Variants in NRXN1 observed in about 807,000 individuals in gnomAD.
The protein encoded by NRXN1 is neurexin-1.
In NRXN1, 39 loss-of-function variants were observed where a neutral mutation model predicts 150.9. The ratio of observed to expected loss-of-function variants is 0.26; its 90% CI spans 0.20 to 0.34. NRXN1 has a LOEUF of 0.34. Among genes scored for constraint, NRXN1 ranks in the 10% least tolerant of loss-of-function variants. NRXN1 has a pLI of 1.00. For synonymous variants in NRXN1, 924 were observed against 757.0 expected (o/e 1.22, Z -3.62); for missense variants, 1,815 against 1,949.9 (o/e 0.93, Z 1.30).
At chr2:50,503,940 C>T (rs528892832) in intron 13 of NRXN1, among the ~76,000 whole-genome samples, 1 of 152,140 alleles carries the variant, frequency 6.6e-6, no homozygotes, top group East Asian at 1.9e-4. Context: ...GAGGCCATAA[C>T]ATCAACAACG....
Position 51,028,172 on chromosome 2 carries a change from C to A in NRXN1, c.102G>T (p.Pro34=). Residue 34 remains proline (P), a synonymous_variant, in exon 2 of 23, where the codon CCG becomes CCT. Coordinates refer to ENST00000401669, the MANE Select transcript of NRXN1 (RefSeq NM_001330078.2). ...WAELGSGLEF[P]GAEGQWTRFP... ...AGCGCGTCCATTGGCCCTCGGCGCC[C>A]GGAAACTCCAGCCCGCTGCCCAGCT... The A allele has an allele frequency of 6.6e-7, 1 of 1,515,822 alleles. No individual in the cohort carries two copies. Among genetic ancestry groups the A allele is most frequent in the East Asian group, 2.4e-5 (1 of 42,138 alleles). 93.9% of individuals were successfully genotyped at this position (1,515,822 alleles called of 1,614,324 possible).
chr2:50,102,508 C>G (rs1324915193), intron 18 of NRXN1, among the ~76,000 whole-genome samples: 1 of 152,060 alleles, frequency 6.6e-6, no homozygotes, highest in Admixed American at 6.6e-5. Context: ...TCCTGGCACT[C>G]TGTTAAGTTC....
chr2:50,203,089 G>A (rs910864926), intron 18 of NRXN1, among the ~76,000 whole-genome samples: 1 of 152,166 alleles, frequency 6.6e-6, no homozygotes, highest in Non-Finnish European at 1.5e-5. Flanking sequence ...AGAGCCTGGA[G>A]AATCAAGGTC....
intron 5 of NRXN1, among the ~76,000 whole-genome samples, chr2:50,827,600 A>C (rs1486824538): frequency 6.6e-6 from 1 of 152,130 alleles, no homozygotes; most frequent in Non-Finnish European, 1.5e-5. Flanking sequence ...TAATGTTTTT[A>C]TTTATTTATT....
At chr2:50,004,636 A>G (rs1183016987) in intron 21 of NRXN1, among the ~76,000 whole-genome samples, 1 of 152,082 alleles carries the variant, frequency 6.6e-6, no homozygotes, top group Admixed American at 6.6e-5. Flanking sequence ...TTTTATATAC[A>G]CTTTCTACCT....
intron 8 of NRXN1, among the ~76,000 whole-genome samples, chr2:50,589,898 C>G (rs988326344): frequency 2.0e-5 from 3 of 152,184 alleles, no homozygotes; most frequent in African/African-American, 7.2e-5. Flanking sequence ...CCTCATTAGA[C>G]TGTAAGCACC....
At chr2:50,950,262 G>A (rs187551548) in intron 2 of NRXN1, among the ~76,000 whole-genome samples, 1 of 151,904 alleles carries the variant, frequency 6.6e-6, no homozygotes, top group East Asian at 1.9e-4. Flanking sequence ...TATACAGAAG[G>A]GAAAATAGAA....
intron 17 of NRXN1, among the ~76,000 whole-genome samples, chr2:50,367,997 C>G (rs1167762553): frequency 6.6e-6 from 1 of 151,976 alleles, no homozygotes; most frequent in Non-Finnish European, 1.5e-5. Context: ...TGTATACAAG[C>G]AACAAGTTCT....
At chr2:50,193,106 T>G (rs1187045219) in intron 18 of NRXN1, among the ~76,000 whole-genome samples, 1 of 152,194 alleles carries the variant, frequency 6.6e-6, no homozygotes, top group Non-Finnish European at 1.5e-5. Flanking sequence ...TAGTATTGCA[T>G]TCCTTTACTT....
At chr2:50,335,862 T>C (rs2077156379) in intron 17 of NRXN1, among the ~76,000 whole-genome samples, 1 of 151,240 alleles carries the variant, frequency 6.6e-6, no homozygotes, top group African/African-American at 2.4e-5. Context: ...CAGAGGAGTC[T>C]ACCTTATATC....
At chr2:50,356,685 C>A (rs904166914) in intron 17 of NRXN1, among the ~76,000 whole-genome samples, 1 of 152,074 alleles carries the variant, frequency 6.6e-6, no homozygotes, top group Non-Finnish European at 1.5e-5. Flanking sequence ...TACCTTATTG[C>A]CTTCTAAATA....
chr2:50,125,142 C>G (rs1277462041), intron 18 of NRXN1, among the ~76,000 whole-genome samples: 1 of 152,024 alleles, frequency 6.6e-6, no homozygotes, highest in East Asian at 1.9e-4. Context: ...CCTTTATATT[C>G]TGAACACTGA....
intron 5 of NRXN1, among the ~76,000 whole-genome samples, chr2:50,705,596 T>A (rs982372635): frequency 3.3e-5 from 5 of 152,192 alleles, no homozygotes; most frequent in Non-Finnish European, 4.4e-5. Context: ...ACCAATGCAG[T>A]TGGATTATTT....
chr2:50,097,642 C>CT (rs113108927), intron 18 of NRXN1, among the ~76,000 whole-genome samples: 2,370 of 144,750 alleles, frequency 0.016, 26 homozygotes, highest in Non-Finnish European at 0.023. Context: ...AGCCCAAACA[C>CT]TTTTTTTTTT....
At chr2:50,490,052 C>G (rs902916937) in intron 15 of NRXN1, among the ~76,000 whole-genome samples, 2 of 152,200 alleles carry the variant, frequency 1.3e-5, no homozygotes, top group African/African-American at 4.8e-5. Flanking sequence ...TTTCACATCT[C>G]TGTCTGTCTT....
intron 5 of NRXN1, among the ~76,000 whole-genome samples, chr2:50,831,520 C>T (rs998343704): frequency 6.6e-6 from 1 of 152,100 alleles, no homozygotes; most frequent in Non-Finnish European, 1.5e-5. Context: ...TTCTGAAACT[C>T]TGGTGTTATT....
At chr2:50,679,487 C>T (rs1350936994) in intron 5 of NRXN1, among the ~76,000 whole-genome samples, 1 of 152,092 alleles carries the variant, frequency 6.6e-6, no homozygotes, top group African/African-American at 2.4e-5. Context: ...GGTTTCATTG[C>T]TTCCAAAAAT....
At chr2:50,959,430 AG>A (rs1307660981) in intron 2 of NRXN1, among the ~76,000 whole-genome samples, 1 of 152,088 alleles carries the variant, frequency 6.6e-6, no homozygotes, top group African/African-American at 2.4e-5. Flanking sequence ...AGCCATAAAA[AG>A]AAATGAAGTA....
chr2:50,333,868 T>C (rs557134808), intron 17 of NRXN1, among the ~76,000 whole-genome samples: 1 of 152,102 alleles, frequency 6.6e-6, no homozygotes, highest in African/African-American at 2.4e-5. Flanking sequence ...AACCTAAATA[T>C]CTGCATATTG....
Sources: allele counts gnomAD v4.1 joint callset (sites outside exome capture counted in the v4.1 genomes callset), GRCh38; gene constraint gnomAD v4.1.1; transcripts MANE v1.5; gene names NCBI Gene and HGNC (gene_info 2026-07-23, HGNC 2026-07-21).